The following ZKSCAN7 variants were observed in gnomAD, a reference collection of about 807,000 sequenced individuals.
The protein encoded by ZKSCAN7 is zinc finger with KRAB and SCAN domains 7.
ZKSCAN7 carries 38 observed loss-of-function variants against 65.3 expected under a neutral mutation model. That is an observed-to-expected ratio of 0.58 (90% CI 0.45 to 0.76). The LOEUF is 0.76. Ranked by LOEUF, ZKSCAN7 falls within the 30% of genes least tolerant of loss-of-function variation. ZKSCAN7 has a pLI of 0.00. For missense variants in ZKSCAN7, 815 were observed against 913.3 expected (o/e 0.89, Z 1.39); for synonymous variants, 321 against 321.0 (o/e 1.00, Z 0.00).
In ZKSCAN7 at chr3:44,570,145, T is replaced by G; in HGVS notation, c.1035T>G (p.Asp345Glu). 1 of 1,613,948 alleles carries G rather than the reference T, an allele frequency of 6.2e-7. No homozygotes were observed. The highest frequency in any genetic ancestry group is 1.1e-5 in the South Asian group (1 of 91,062). ...ATTTCTTGGAAATAACAGATGAAGA[T>G]AAGAAAAAATCCACAAAAGACAGAT... ...ENDFLEITDE[D>E]KKKSTKDRYD... The change falls in exon 6 of 6, where the codon GAT becomes GAG. Residue 345 changes from aspartate to glutamate, a missense_variant. Physicochemically the swap from Asp to Glu is conservative, Grantham distance 45. Coordinates refer to ENST00000426540, the MANE Select transcript of ZKSCAN7 (RefSeq NM_001288590.2).
chr3:44,563,510 A>G (rs1429328294), intron 2 of ZKSCAN7, among the ~76,000 whole-genome samples: 3 of 152,230 alleles, frequency 2.0e-5, no homozygotes, highest in Non-Finnish European at 4.4e-5. Flanking sequence ...TCATAGTGGA[A>G]GTTGAAGAGG....
rs531208127 is a variant in ZKSCAN7 at position 44,578,445 on chromosome 3, C to T, written c.812-4527C>T. 2.0e-5 allele frequency among the ~76,000 whole-genome samples: 3 copies of T among 152,378 alleles called. No individual in the cohort carries two copies. The East Asian group carries it at 5.8e-4, about 29-fold the overall frequency. On this transcript the variant is annotated intron_variant, in intron 5 of 5. Transcript: ENST00000341840. ...TCTGCAGCCAGGCGGTTGTTCAGCT[C>T]CTGGTTGTGGGCATTGAGCTCCTGG...
At chr3:44,581,060 G>T in intron 5 of ZKSCAN7, 1 of 1,380,376 alleles carries the variant, frequency 7.2e-7, no homozygotes, top group Non-Finnish European at 9.5e-7. Flanking sequence ...CGCAGGCCCG[G>T]CCGGCCTGGC....
chr3:44,556,363 G>C (rs1180823638), intron 1 of ZKSCAN7, among the ~76,000 whole-genome samples: 1 of 152,194 alleles, frequency 6.6e-6, no homozygotes, highest in Non-Finnish European at 1.5e-5. Context: ...TTTGCCAAAA[G>C]TTGAAGAAGA....
At chr3:44,579,723 A>G (rs1024381495) in intron 5 of ZKSCAN7, among the ~76,000 whole-genome samples, 1 of 152,212 alleles carries the variant, frequency 6.6e-6, no homozygotes, top group Admixed American at 6.5e-5. Flanking sequence ...ACATCGTAAC[A>G]TGCAGACAAG....
rs537698383 is a variant in ZKSCAN7 at position 44,568,837 on chromosome 3, T to C, written c.811+404T>C. The stretch of plus-strand genomic sequence containing the variant: ...GCATGTTGATGCCTGTGTTCCAGTG[T>C]GAATGTAATGCAGCTGCTCGCAGTG... On this transcript the variant is annotated intron_variant, in intron 5 of 5. Transcript: ENST00000426540. Among the ~76,000 whole-genome samples the C allele has an allele frequency of 5.2e-4, 79 of 152,234 alleles. 1 individual carries two copies. The highest frequency in any genetic ancestry group is 5.3e-4 in the Non-Finnish European group (36 of 68,042).
intron 2 of ZKSCAN7, among the ~76,000 whole-genome samples, chr3:44,562,853 C>G (rs1266691989): frequency 6.6e-6 from 1 of 152,072 alleles, no homozygotes; most frequent in Non-Finnish European, 1.5e-5. Flanking sequence ...GCCTGTAGTC[C>G]CAGCTACTCG....
chr3:44,559,776 T>C (rs1420888062), intron 2 of ZKSCAN7, among the ~76,000 whole-genome samples: 1 of 152,268 alleles, frequency 6.6e-6, no homozygotes, highest in African/African-American at 2.4e-5. Flanking sequence ...GAATCAGTTC[T>C]AGTTGATCAG....
intron 5 of ZKSCAN7, among the ~76,000 whole-genome samples, chr3:44,579,497 T>G (rs757310617): frequency 6.6e-6 from 1 of 152,192 alleles, no homozygotes; most frequent in Non-Finnish European, 1.5e-5. Context: ...CTCTTGCTTC[T>G]CAGTAGGCCT....
chr3:44,556,840 C>A lies in ZKSCAN7; in HGVS notation c.-118-90C>A. 7 of 673,834 alleles carry A rather than the reference C, an allele frequency of 1.0e-5. No homozygotes were observed. The South Asian group carries it at 1.4e-4, about 13-fold the overall frequency. 41.7% of individuals were successfully genotyped at this position (673,834 alleles called of 1,614,324 possible). ...GAATGCCTGGTTGTGTTCTTTTTTC[C>A]TGGAGCTTTGTTTTTTAACTCAGTG... On this transcript the variant is annotated intron_variant, in intron 1 of 5. Coordinates refer to ENST00000426540, the MANE Select transcript of ZKSCAN7 (RefSeq NM_001288590.2).
downstream of ZKSCAN7, among the ~76,000 whole-genome samples, chr3:44,574,019 G>C (rs531728775): frequency 1.3e-5 from 2 of 152,040 alleles, no homozygotes; most frequent in Admixed American, 6.5e-5. Flanking sequence ...ATTTAAATCT[G>C]GACTGTTATG....
intron 5 of ZKSCAN7, among the ~76,000 whole-genome samples, chr3:44,569,000 C>A (rs1336944048): frequency 1.3e-5 from 2 of 152,232 alleles, no homozygotes; most frequent in Non-Finnish European, 2.9e-5. Flanking sequence ...AATGGCTTGG[C>A]TTCTCTCCAT....
At chr3:44,566,684 C>T (rs1176349265) in intron 3 of ZKSCAN7, among the ~76,000 whole-genome samples, 1 of 151,938 alleles carries the variant, frequency 6.6e-6, no homozygotes, top group African/African-American at 2.4e-5. Flanking sequence ...GTCACCCAGG[C>T]TGGAGTGCAA....
At chr3:44,560,828 A>G (rs1195315666) in intron 2 of ZKSCAN7, among the ~76,000 whole-genome samples, 1 of 152,038 alleles carries the variant, frequency 6.6e-6, no homozygotes, top group Non-Finnish European at 1.5e-5. Context: ...ATCTTTTTTC[A>G]TCTCCTGCCA....
chr3:44,565,660 T>G lies in ZKSCAN7; in HGVS notation c.592+5T>G. 1.3e-6 allele frequency: 2 copies of G among 1,585,254 alleles called. No homozygotes were observed. Among genetic ancestry groups the G allele is most frequent in the East Asian group, 2.3e-5 (1 of 43,824 alleles). On this transcript the variant is annotated splice_donor_5th_base_variant and intron_variant, in intron 3 of 5. Coordinates refer to ENST00000426540, the MANE Select transcript of ZKSCAN7 (RefSeq NM_001288590.2). Reference sequence around the variant, plus strand: ...ACCTCCCCAGTGGGGACTTCGGTACTTATCTCCCCAGCTTTGGCCTTAAGT... The same window carrying G: ...ACCTCCCCAGTGGGGACTTCGGTACGTATCTCCCCAGCTTTGGCCTTAAGT...
intron 5 of ZKSCAN7, among the ~76,000 whole-genome samples, chr3:44,568,662 G>T (rs1038818273): frequency 1.3e-5 from 2 of 152,176 alleles, no homozygotes; most frequent in African/African-American, 4.8e-5. Context: ...CTTCTTAGTT[G>T]TAAGGAACAG....
Position 44,570,606 on chromosome 3 carries a change from A to C in ZKSCAN7, c.1496A>C (p.Glu499Ala). ...HTGEKPYECN[E>A]CGEAFIRSKS... Reference sequence around the variant, plus strand: ...GGGGAGAAACCTTATGAATGCAATGAGTGTGGAGAGGCATTCATTCGAAGC... The same window carrying C: ...GGGGAGAAACCTTATGAATGCAATGCGTGTGGAGAGGCATTCATTCGAAGC... Residue 499 changes from glutamate to alanine, a missense_variant, in exon 6 of 6, where the codon GAG (glutamate) becomes GCG (alanine). Around this residue, in one of 3 missense-constraint regions of ZKSCAN7, gnomAD observed 578 missense variants for 629.5 expected, o/e 0.92. Coordinates refer to ENST00000426540, the MANE Select transcript of ZKSCAN7 (RefSeq NM_001288590.2). 3 of 1,614,198 alleles carry C rather than the reference A, an allele frequency of 1.9e-6. No individual in the cohort carries two copies. The highest frequency in any genetic ancestry group is 2.5e-6 in the Non-Finnish European group (3 of 1,180,036).
intron 5 of ZKSCAN7, chr3:44,580,230 G>A (rs570295418): frequency 1.1e-5 from 17 of 1,612,886 alleles, no homozygotes; most frequent in East Asian, 2.2e-5. Context: ...CTTCTCCAGA[G>A]AGAAGTAGCT....
chr3:44,555,263 G>A lies in ZKSCAN7; in HGVS notation c.-337G>A, dbSNP rs1699255808. 1 of 152,376 alleles carries A rather than the reference G, an allele frequency of 6.6e-6. No individual in the cohort carries two copies. Among genetic ancestry groups the A allele is most frequent in the African/African-American group, 2.4e-5 (1 of 41,582 alleles). 9.4% of individuals were successfully genotyped at this position (152,376 alleles called of 1,614,324 possible). A position where few individuals can be genotyped will look rare whatever the true frequency, so the allele number is the denominator to read the frequency against. ...TCCGGCTTCGGTGCCGAGTGCCACC[G>A]CGAGTGGGCCGAGACGCGGAGGGAG... On this transcript the variant is annotated 5_prime_UTR_variant, in exon 1 of 6. Transcript: ENST00000426540.
Sources: gnomAD v4.1 joint callset for allele counts (sites outside exome capture counted in the v4.1 genomes callset) on GRCh38, gnomAD v4.1.1 for gene constraint, gnomAD v4.1.1 regional missense constraint, MANE v1.5 for transcripts, NCBI Gene and HGNC (gene_info 2026-07-23, HGNC 2026-07-21) for gene names.